Variants in RBFOX1 observed in about 807,000 individuals in gnomAD.
The protein encoded by RBFOX1 is RNA binding protein fox-1 homolog 1.
In RBFOX1, 8 loss-of-function variants were observed where a neutral mutation model predicts 57.7. The ratio of observed to expected loss-of-function variants is 0.14; its 90% CI spans 0.08 to 0.25. The LOEUF (loss-of-function observed/expected upper bound fraction) is 0.25. RBFOX1 is among the 10% of genes least tolerant of loss of function. The pLI, the probability that RBFOX1 is intolerant of heterozygous loss-of-function variation, is 1.00. For missense variants in RBFOX1, 611 were observed against 548.5 expected (o/e 1.11, Z -1.14); for synonymous variants, 326 against 222.4 (o/e 1.47, Z -4.15).
intron 4 of RBFOX1, among the ~76,000 whole-genome samples, chr16:5,988,905 G>T (rs369275174): frequency 6.6e-6 from 1 of 152,180 alleles, no homozygotes; most frequent in African/African-American, 2.4e-5. Flanking sequence ...AGAGAATATC[G>T]CTCTGGCTTT....
intron 3 of RBFOX1, among the ~76,000 whole-genome samples, chr16:5,707,289 G>C (rs891772881): frequency 6.6e-6 from 1 of 152,140 alleles, no homozygotes; most frequent in African/African-American, 2.4e-5. Flanking sequence ...CAGCTGTTTG[G>C]GAGAAAGAAA....
At chr16:5,529,234 G>C (rs1323170018) in intron 2 of RBFOX1, among the ~76,000 whole-genome samples, 2 of 152,060 alleles carry the variant, frequency 1.3e-5, no homozygotes, top group Non-Finnish European at 2.9e-5. Context: ...GCGTGACTTT[G>C]TTATGGGTTG....
intron 4 of RBFOX1, among the ~76,000 whole-genome samples, chr16:7,232,731 C>T (rs1050919805): frequency 1.3e-5 from 2 of 151,754 alleles, no homozygotes; most frequent in African/African-American, 4.8e-5. Flanking sequence ...GTCCCAGCTA[C>T]TGAGAAGGCT....
intron 3 of RBFOX1, among the ~76,000 whole-genome samples, chr16:6,837,443 A>T (rs2141289479): frequency 1.3e-5 from 2 of 152,352 alleles, no homozygotes; most frequent in South Asian, 4.1e-4. Flanking sequence ...ACCCAACAGC[A>T]AGAGTATTTT....
At chr16:6,961,480 G>C (rs561547146) in intron 3 of RBFOX1, among the ~76,000 whole-genome samples, 1 of 152,206 alleles carries the variant, frequency 6.6e-6, no homozygotes, top group Admixed American at 6.5e-5. Flanking sequence ...CCCAAAGGAG[G>C]GTTCTTGGAA....
chr16:7,148,682 ACT>A (rs1480277757), intron 4 of RBFOX1, among the ~76,000 whole-genome samples: 1 of 152,140 alleles, frequency 6.6e-6, no homozygotes, highest in African/African-American at 2.4e-5. Flanking sequence ...GTGCCGCTCT[ACT>A]CTCTACAGTT....
intron 4 of RBFOX1, among the ~76,000 whole-genome samples, chr16:7,106,699 G>A (rs2063644632): frequency 6.6e-6 from 1 of 151,870 alleles, no homozygotes. Flanking sequence ...TGAGCTCCAT[G>A]CTAGGTGCTT....
chr16:5,444,770 C>G (rs1567519923), intron 1 of RBFOX1, among the ~76,000 whole-genome samples: 2 of 152,222 alleles, frequency 1.3e-5, no homozygotes, highest in East Asian at 1.9e-4. Flanking sequence ...GTATTCACCT[C>G]ACTTCATCTA....
chr16:5,583,446 C>T (rs1464963689), intron 2 of RBFOX1, among the ~76,000 whole-genome samples: 3 of 152,154 alleles, frequency 2.0e-5, no homozygotes, highest in South Asian at 2.1e-4. Flanking sequence ...AGTCAAACGC[C>T]GAGCTCTAAC....
chr16:6,037,547 C>G (rs1013191287), intron 1 of RBFOX1: 1 of 150,788 alleles, frequency 6.6e-6, no homozygotes, highest in Non-Finnish European at 1.5e-5. Context: ...AAAAACAGTC[C>G]GTTGAATGCA....
chr16:7,191,517 T>A (rs1396563404), intron 4 of RBFOX1, among the ~76,000 whole-genome samples: 1 of 152,218 alleles, frequency 6.6e-6, no homozygotes, highest in African/African-American at 2.4e-5. Context: ...ATATTGCATA[T>A]AATTTTTAGA....
At chr16:5,739,308 T>C (rs1389389813) in intron 3 of RBFOX1, among the ~76,000 whole-genome samples, 1 of 152,262 alleles carries the variant, frequency 6.6e-6, no homozygotes, top group South Asian at 2.1e-4. Context: ...ACATAACTGT[T>C]GTGCACCTAT....
chr16:5,339,377 TAAC>T (rs927337534), intron 1 of RBFOX1, among the ~76,000 whole-genome samples: 1 of 151,224 alleles, frequency 6.6e-6, no homozygotes, highest in Non-Finnish European at 1.5e-5. Flanking sequence ...AAACTGGCCT[TAAC>T]AAAGGCAATG....
intron 4 of RBFOX1, among the ~76,000 whole-genome samples, chr16:7,153,857 T>C (rs998722054): frequency 4.6e-5 from 7 of 152,138 alleles, no homozygotes; most frequent in Non-Finnish European, 1.0e-4. Context: ...CAGATGTTTT[T>C]GTTCTTGATA....
intron 4 of RBFOX1, among the ~76,000 whole-genome samples, chr16:7,310,545 A>G (rs1379682710): frequency 6.6e-6 from 1 of 152,202 alleles, no homozygotes; most frequent in Admixed American, 6.5e-5. Flanking sequence ...CATACTTATT[A>G]ACATGGAAAT....
chr16:5,567,846 C>T (rs546727208), intron 2 of RBFOX1, among the ~76,000 whole-genome samples: 46 of 152,244 alleles, frequency 3.0e-4, no homozygotes, highest in African/African-American at 9.1e-4. Flanking sequence ...TTAATCCCCA[C>T]GACTTTCTTA....
At chr16:7,479,840 T>A (rs1019921112) in intron 4 of RBFOX1, among the ~76,000 whole-genome samples, 4 of 152,156 alleles carry the variant, frequency 2.6e-5, no homozygotes, top group Admixed American at 2.6e-4. Flanking sequence ...CCCCAGAACA[T>A]CCCTCAATAA....
intron 2 of RBFOX1, among the ~76,000 whole-genome samples, chr16:6,551,634 A>C (rs1192835399): frequency 6.6e-6 from 1 of 152,188 alleles, no homozygotes; most frequent in Non-Finnish European, 1.5e-5. Context: ...AAAATAAGGA[A>C]TTCTGTAAAA....
intron 1 of RBFOX1, among the ~76,000 whole-genome samples, chr16:5,447,717 G>A (rs1239211702): frequency 6.6e-6 from 1 of 152,174 alleles, no homozygotes; most frequent in Non-Finnish European, 1.5e-5. Context: ...TTTCTAGACT[G>A]TGTGGCCTCT....
Sources: allele counts gnomAD v4.1 joint callset (sites outside exome capture counted in the v4.1 genomes callset), GRCh38; gene constraint gnomAD v4.1.1; transcripts MANE v1.5; gene names NCBI Gene and HGNC (gene_info 2026-07-23, HGNC 2026-07-21).